Variants in MTA3 observed in about 807,000 individuals in gnomAD.
MTA3 encodes the protein metastasis-associated protein MTA3.
A neutral mutation model predicts 83.5 loss-of-function variants in MTA3; 34 were observed. The observed-to-expected ratio is 0.41, with a 90% confidence interval of 0.31 to 0.54. MTA3 has a LOEUF of 0.54. Ranked by LOEUF, MTA3 falls within the 20% of genes least tolerant of loss-of-function variation. The probability of loss-of-function intolerance (pLI) is 0.33; values close to 1 mark genes in which losing one functional copy is unlikely to be tolerated. For synonymous variants in MTA3, 303 were observed against 252.7 expected, an observed-to-expected ratio of 1.20 and a Z score of -1.89; for missense variants, 761 against 726.4, an observed-to-expected ratio of 1.05 and a Z score of -0.55.
chr2:42,732,336 T>C (rs1218286632), intron 16 of MTA3, among the ~76,000 whole-genome samples: 2 of 152,224 alleles, frequency 1.3e-5, no homozygotes, highest in East Asian at 3.9e-4. Flanking sequence ...CAACACCATG[T>C]GGAAGCTGCC....
Position 42,640,155 on chromosome 2 carries a change from T to A in MTA3, c.318-18T>A. On this transcript the variant is annotated intron_variant, in intron 4 of 16. Coordinates refer to ENST00000405094, the MANE Select transcript of MTA3 (RefSeq NM_001330442.2). ...AGGTGGCCTTTGTTACATTTATTCT[T>A]TTTTTCTTTTTCAACAGGGGAAAGT... The A allele has an allele frequency of 2.5e-6, 4 of 1,584,228 alleles. No homozygotes were observed. The East Asian group carries it at 9.0e-5, about 36-fold the overall frequency.
At chr2:42,574,264 A>C (rs1336136323) in intron 2 of MTA3, among the ~76,000 whole-genome samples, 8 of 150,982 alleles carry the variant, frequency 5.3e-5, no homozygotes, top group African/African-American at 1.7e-4. Flanking sequence ...CCTCCTGAGC[A>C]GCTGGGATTA....
rs1000789750 is a variant in MTA3, at chr2:42,636,928, C to G, written c.318-3245C>G. ...GCATGAGCCACTGCGCCTGGCCCTC[C>G]TCTTTCATTTATACAAATATGTACT... On this transcript the variant is annotated intron_variant, in intron 4 of 16. Transcript: ENST00000405094. Among the ~76,000 whole-genome samples the G allele has an allele frequency of 2.6e-5, 4 of 152,088 alleles. No individual in the cohort carries two copies. In the South Asian group the frequency reaches 8.3e-4, roughly 32 times the overall value.
intron 2 of MTA3, among the ~76,000 whole-genome samples, chr2:42,549,702 A>T (rs544297973): frequency 9.3e-6 from 1 of 107,184 alleles, no homozygotes; most frequent in Non-Finnish European, 1.8e-5. Context: ...TATACATATT[A>T]TATATTATAT....
intron 2 of MTA3, among the ~76,000 whole-genome samples, chr2:42,541,313 G>A (rs182286936): frequency 6.6e-6 from 1 of 152,318 alleles, no homozygotes; most frequent in East Asian, 1.9e-4. Context: ...TTACAGGCGT[G>A]AGCCACTGCG....
chr2:42,570,219 A>G (rs567173867), intron 1 of MTA3, among the ~76,000 whole-genome samples: 3 of 152,350 alleles, frequency 2.0e-5, no homozygotes, highest in South Asian at 4.1e-4. Context: ...AGAAACTGAT[A>G]AAACATTAAT....
chr2:42,643,362 T>C (rs1687878692), intron 5 of MTA3, among the ~76,000 whole-genome samples: 1 of 152,126 alleles, frequency 6.6e-6, no homozygotes, highest in Admixed American at 6.5e-5. Context: ...CTGCTTCTGG[T>C]TCAGATAATC....
intron 4 of MTA3, among the ~76,000 whole-genome samples, chr2:42,638,954 T>A (rs531900007): frequency 1.3e-5 from 2 of 151,896 alleles, no homozygotes; most frequent in Admixed American, 6.6e-5. Flanking sequence ...TTTTGACCAA[T>A]GTGTTAGCAC....
intron 14 of MTA3, among the ~76,000 whole-genome samples, chr2:42,718,373 G>T (rs1667175886): frequency 6.6e-6 from 1 of 150,974 alleles, no homozygotes; most frequent in Non-Finnish European, 1.5e-5. Context: ...TCAGCCTCCC[G>T]AGTAGCTGGG....
At chr2:42,539,159 T>G (rs1676407926) in intron 2 of MTA3, among the ~76,000 whole-genome samples, 1 of 152,168 alleles carries the variant, frequency 6.6e-6, no homozygotes, top group Non-Finnish European at 1.5e-5. Flanking sequence ...AGTTCCTTAG[T>G]TTGTCAGGAG....
rs115638801 is a variant in MTA3, at chr2:42,562,025, A to T, written c.-140-8412A>T. Among the ~76,000 whole-genome samples, 702 of 152,168 alleles carry T rather than the reference A, an allele frequency of 4.6e-3. 4 individuals carry two copies. Among genetic ancestry groups the T allele is most frequent in the African/African-American group, 0.016 (667 of 41,526 alleles). Reference sequence around the variant, plus strand: ...TTAGTCCTGGAGTCTCTGGGGGACAATCCATCCCATGCCAGTGGTTGCTGG... The same window carrying T: ...TTAGTCCTGGAGTCTCTGGGGGACATTCCATCCCATGCCAGTGGTTGCTGG... On this transcript the variant is annotated intron_variant, in intron 2 of 17. Transcript: ENST00000405592.
chr2:42,599,863 A>G (rs1166722756), intron 3 of MTA3, among the ~76,000 whole-genome samples: 1 of 151,948 alleles, frequency 6.6e-6, no homozygotes, highest in Non-Finnish European at 1.5e-5. Context: ...TGTTCTCTAT[A>G]CAGTTAGGGA....
Position 42,754,247 on chromosome 2 carries a change from A to T in MTA3, c.*848A>T. 5 of 985,512 alleles carry T rather than the reference A, an allele frequency of 5.1e-6. No individual in the cohort carries two copies. The highest frequency in any genetic ancestry group is 6.0e-6 in the Non-Finnish European group (5 of 829,988). The allele number at this position is 985,512 out of a possible 1,614,324, so 61.0% of individuals were successfully genotyped here. A position where few individuals can be genotyped will look rare whatever the true frequency, so the allele number is the denominator to read the frequency against. On this transcript the variant is annotated 3_prime_UTR_variant, in exon 17 of 17. Coordinates refer to ENST00000405094, the MANE Select transcript of MTA3 (RefSeq NM_001330442.2). ...AACCAGCTGATGAAGAACTGCTGCC[A>T]GGTGGGTCCTACAGCAGGTCACAAA...
chr2:42,611,168 A>G (rs1047970438), intron 4 of MTA3, among the ~76,000 whole-genome samples: 2 of 151,680 alleles, frequency 1.3e-5, no homozygotes, highest in Non-Finnish European at 2.9e-5. Context: ...TTTTTTTAGT[A>G]GAGACAGGGT....
rs557881104 is a variant in MTA3, at chr2:42,535,348, T to C, written c.-140-35089T>C. 1.2e-3 allele frequency among the ~76,000 whole-genome samples: 187 copies of C among 152,148 alleles called. 1 individual carries two copies. Among genetic ancestry groups the C allele is most frequent in the African/African-American group, 4.3e-3 (177 of 41,514 alleles). ...ATTGCAGTGAGCCAAGATGGTGCCATTGCACTCCAGCCTGGGCAACAGAGC... is the reference window on the plus strand; with the variant it reads ...ATTGCAGTGAGCCAAGATGGTGCCACTGCACTCCAGCCTGGGCAACAGAGC... On this transcript the variant is annotated intron_variant, in intron 2 of 17. Coordinates refer to the MTA3 transcript ENST00000405592.
chr2:42,698,778 T>G lies in MTA3; in HGVS notation c.1025+944T>G, dbSNP rs1259345346. On this transcript the variant is annotated intron_variant, in intron 11 of 16. Coordinates refer to ENST00000405094, the MANE Select transcript of MTA3 (RefSeq NM_001330442.2). Reference sequence around the variant, plus strand: ...CTCATAGACAATGAGTTCTGATCTTTCATATTGATCTTTTACCACAAGACA... The same window carrying G: ...CTCATAGACAATGAGTTCTGATCTTGCATATTGATCTTTTACCACAAGACA... Among the ~76,000 whole-genome samples, 10 of 152,326 alleles carry G rather than the reference T, an allele frequency of 6.6e-5. No individual in the cohort carries two copies. The East Asian group carries it at 1.9e-3, about 29-fold the overall frequency.
At chr2:42,714,403 C>G (rs1373245387) in intron 14 of MTA3, among the ~76,000 whole-genome samples, 1 of 151,794 alleles carries the variant, frequency 6.6e-6, no homozygotes, top group East Asian at 1.9e-4. Context: ...AAAAAAAAAT[C>G]ATGAGTTTTG....
chr2:42,722,845 T>G, intron 15 of MTA3, 44 bp from the exon 16 acceptor site: 1 of 1,546,274 alleles, frequency 6.5e-7, no homozygotes, highest in Non-Finnish European at 8.7e-7. Context: ...ACACAGATTT[T>G]TAATATCATG....
At chr2:42,602,882 C>G (rs1415887167) in intron 3 of MTA3, among the ~76,000 whole-genome samples, 1 of 152,128 alleles carries the variant, frequency 6.6e-6, no homozygotes, top group Non-Finnish European at 1.5e-5. Flanking sequence ...TTCTGGTGTC[C>G]GTTCAGACTG....
Sources: allele counts gnomAD v4.1 joint callset (sites outside exome capture counted in the v4.1 genomes callset), GRCh38; gene constraint gnomAD v4.1.1; transcripts MANE v1.5; gene names NCBI Gene and HGNC (gene_info 2026-07-23, HGNC 2026-07-21).